The following RPS6KA6 variants were observed in gnomAD, a reference collection of about 807,000 sequenced individuals.
RPS6KA6 encodes the protein ribosomal protein S6 kinase alpha-6.
A neutral mutation model predicts 65.4 loss-of-function variants in RPS6KA6; 27 were observed. The ratio of observed to expected loss-of-function variants is 0.41; its 90% CI spans 0.30 to 0.57. RPS6KA6 has a LOEUF of 0.57. Ranked by LOEUF, RPS6KA6 falls within the 20% of genes least tolerant of loss-of-function variation. The pLI, the probability that RPS6KA6 is intolerant of heterozygous loss-of-function variation, is 0.24. For missense variants in RPS6KA6, 486 were observed against 555.6 expected, an observed-to-expected ratio of 0.87 and a Z score of 1.26; for synonymous variants, 190 against 184.2, an observed-to-expected ratio of 1.03 and a Z score of -0.26.
intron 6 of RPS6KA6, among the ~76,000 whole-genome samples, chrX:84,137,310 T>C (rs1191744036): frequency 3.6e-5 from 4 of 111,871 alleles, no homozygotes; most frequent in Non-Finnish European, 7.5e-5. Flanking sequence ...TTTCAATAGC[T>C]GCACAATATA....
intron 20 of RPS6KA6, among the ~76,000 whole-genome samples, chrX:84,078,561 A>T (rs1404122037): frequency 8.9e-6 from 1 of 112,451 alleles, no homozygotes; most frequent in Non-Finnish European, 1.9e-5. Context: ...TGAACAGATG[A>T]ACAATGATGT....
chrX:84,102,663 A>G (rs2034281700), intron 17 of RPS6KA6, among the ~76,000 whole-genome samples: 1 of 111,181 alleles, frequency 9.0e-6, no homozygotes, highest in South Asian at 3.8e-4. Flanking sequence ...ATCTGAAGGC[A>G]CTGGAGAATG....
At chrX:84,177,018 A>G (rs1185041657) in intron 1 of RPS6KA6, among the ~76,000 whole-genome samples, 1 of 111,486 alleles carries the variant, frequency 9.0e-6, no homozygotes, top group Non-Finnish European at 1.9e-5. Context: ...GAATAAAGAA[A>G]ATATAAGTTC....
At chrX:84,164,687 T>C (rs928944487) in intron 1 of RPS6KA6, among the ~76,000 whole-genome samples, 3 of 111,582 alleles carry the variant, frequency 2.7e-5, no homozygotes, top group Non-Finnish European at 5.7e-5. Context: ...CATTAAATTG[T>C]CCCCAACCAA....
intron 20 of RPS6KA6, among the ~76,000 whole-genome samples, chrX:84,069,141 T>A (rs1378706324): frequency 8.9e-6 from 1 of 112,087 alleles, no homozygotes; most frequent in East Asian, 2.8e-4. Context: ...TCTGGAGGCA[T>A]CATGCTACCT....
intron 3 of RPS6KA6, among the ~76,000 whole-genome samples, chrX:84,148,677 G>A (rs188733413): frequency 3.6e-5 from 4 of 111,138 alleles, no homozygotes; most frequent in Non-Finnish European, 7.5e-5. Context: ...TTAATAAAGA[G>A]CAAACAAATA....
At chrX:84,093,080 C>CA (rs941357316) in intron 20 of RPS6KA6, among the ~76,000 whole-genome samples, 12 of 111,948 alleles carry the variant, frequency 1.1e-4, no homozygotes, top group Non-Finnish European at 2.3e-4. Flanking sequence ...AACAGCCAGG[C>CA]ACAGAAAGAC....
At chrX:84,093,569 A>C (rs1405088530) in intron 20 of RPS6KA6, among the ~76,000 whole-genome samples, 2 of 112,070 alleles carry the variant, frequency 1.8e-5, no homozygotes, top group Non-Finnish European at 3.8e-5. Flanking sequence ...ACCAGGCTAA[A>C]AGAGACGTAA....
At chrX:84,119,837 T>A in intron 9 of RPS6KA6, 48 bp downstream of exon 9, 1 of 1,018,716 alleles carries the variant, frequency 9.8e-7, no homozygotes. Context: ...AAATTATAAG[T>A]AATATCAATC....
rs186497892 is a variant in RPS6KA6, at chrX:84,187,785, G to A, written c.81+34C>T. On this transcript the variant is annotated intron_variant, in intron 1 of 21. Transcript: ENST00000262752. ...AGGTCTTGAGGGGAAGGAGGCGGGG[G>A]TTGGCTCCAGCCCGTCTTGGCCACC... is the stretch of plus-strand genomic sequence containing the variant. The A allele has an allele frequency of 5.6e-4, 661 of 1,171,539 alleles. 2 individuals are homozygous for A. The African/African-American group carries it at 7.0e-3, about 12-fold the overall frequency.
Position 84,064,383 on chromosome X carries a change from T to A in RPS6KA6, c.2132A>T (p.Tyr711Phe). The A allele has an allele frequency of 1.7e-6, 2 of 1,201,718 alleles. No homozygotes were observed. The highest frequency in any genetic ancestry group is 3.7e-5 in the South Asian group (2 of 54,691). ...AAAGGTCTTGTGAGTCAGGGCAGAG[T>A]ATGTTGCAACCATTGCTCCCTAAAG... ...HVVKGAMVAT[Y>F]SALTHKTFQP... Residue 711 changes from tyrosine to phenylalanine, a missense_variant, in exon 22 of 22, where the codon TAC (tyrosine) becomes TTC (phenylalanine). Around this residue, in one of 3 missense-constraint regions of RPS6KA6, gnomAD observed 345 missense variants for 375.0 expected, o/e 0.92. Coordinates refer to ENST00000262752, the MANE Select transcript of RPS6KA6 (RefSeq NM_014496.5).
chrX:84,094,514 G>T (rs1007888642), intron 20 of RPS6KA6, among the ~76,000 whole-genome samples: 2 of 108,582 alleles, frequency 1.8e-5, no homozygotes, highest in Admixed American at 1.0e-4. Context: ...GCGTGGTGGC[G>T]GGCACCTGTA....
chrX:84,151,980 C>T (rs184697581), intron 3 of RPS6KA6, among the ~76,000 whole-genome samples: 2 of 111,101 alleles, frequency 1.8e-5, no homozygotes, highest in East Asian at 5.7e-4. Flanking sequence ...ACCACTCTTA[C>T]AAAACATAGC....
intron 3 of RPS6KA6, 38 bp from the exon 4 acceptor site, chrX:84,148,161 A>G (rs762482155): frequency 1.2e-6 from 1 of 868,399 alleles, no homozygotes; most frequent in South Asian, 2.3e-5. Context: ...AGGAAAATTC[A>G]CATTTCTAGT....
chrX:84,067,969 A>T (rs756553908), intron 20 of RPS6KA6, among the ~76,000 whole-genome samples: 1 of 112,104 alleles, frequency 8.9e-6, no homozygotes, highest in Admixed American at 9.5e-5. Context: ...AATATTCAAC[A>T]TTCTTAAAGA....
At chrX:84,065,799 C>T in intron 20 of RPS6KA6, among the ~76,000 whole-genome samples, 1 of 112,136 alleles carries the variant, frequency 8.9e-6, no homozygotes, top group Non-Finnish European at 1.9e-5. Context: ...GAGAAGTAAA[C>T]TCCTTAATAA....
At chrX:84,071,148 G>T (rs2033533823) in intron 20 of RPS6KA6, among the ~76,000 whole-genome samples, 1 of 111,278 alleles carries the variant, frequency 9.0e-6, no homozygotes, top group African/African-American at 3.3e-5. Flanking sequence ...GACCAAGGCA[G>T]ACATAGTTAG....
intron 20 of RPS6KA6, among the ~76,000 whole-genome samples, chrX:84,066,574 C>G (rs1054302052): frequency 8.1e-5 from 9 of 111,094 alleles, no homozygotes; most frequent in Admixed American, 4.8e-4. Flanking sequence ...GATTCCTTCT[C>G]TCTGGGCAGG....
chrX:84,115,489 C>A (rs377423639), intron 12 of RPS6KA6, among the ~76,000 whole-genome samples: 1 of 111,860 alleles, frequency 8.9e-6, no homozygotes, highest in East Asian at 2.8e-4. Context: ...AAAACAGGTA[C>A]ACTTATACAC....
Sources: allele counts gnomAD v4.1 joint callset (sites outside exome capture counted in the v4.1 genomes callset), GRCh38; gene constraint gnomAD v4.1.1; regional missense constraint gnomAD v4.1.1; transcripts MANE v1.5; gene names NCBI Gene and HGNC (gene_info 2026-07-23, HGNC 2026-07-21).